KLF13: variants seen among roughly 807,000 people sequenced by gnomAD.
KLF13 encodes Krueppel-like factor 13.
KLF13 carries 8 observed loss-of-function variants against 16.7 expected under a neutral mutation model. The ratio of observed to expected loss-of-function variants is 0.48; its 90% confidence interval spans 0.28 to 0.87. The LOEUF is 0.87. Ranked by LOEUF, KLF13 falls within the 40% of genes least tolerant of loss-of-function variation. KLF13 has a pLI of 0.10. For missense variants in KLF13, 447 were observed against 452.2 expected (o/e 0.99, Z 0.10); for synonymous variants, 245 against 208.4 (o/e 1.18, Z -1.51).
At chr15:31,411,220 T>C (rs1212837546) in intron 1 of KLF13, among the ~76,000 whole-genome samples, 1 of 152,146 alleles carries the variant, frequency 6.6e-6, no homozygotes, top group Non-Finnish European at 1.5e-5. Flanking sequence ...GCAACAATCA[T>C]CAATATAAAT....
At chr15:31,433,015 G>T (rs1228436683) in intron 1 of KLF13, among the ~76,000 whole-genome samples, 2 of 152,198 alleles carry the variant, frequency 1.3e-5, no homozygotes, top group Non-Finnish European at 2.9e-5. Flanking sequence ...CTGCACTCCA[G>T]CCTGGGCGAC....
downstream of KLF13, among the ~76,000 whole-genome samples, chr15:31,405,472 C>T (rs914446366): frequency 6.6e-6 from 1 of 152,262 alleles, no homozygotes; most frequent in Non-Finnish European, 1.5e-5. Context: ...TTTCCAGTTT[C>T]TGGAACTGTG....
At chr15:31,412,896 A>G (rs1243409339) in intron 1 of KLF13, among the ~76,000 whole-genome samples, 2 of 152,234 alleles carry the variant, frequency 1.3e-5, no homozygotes, top group Non-Finnish European at 2.9e-5. Flanking sequence ...ACCAGGCTGG[A>G]TAGTTTTCAG....
intron 1 of KLF13, among the ~76,000 whole-genome samples, chr15:31,386,290 G>A (rs140165366): frequency 0.011 from 1,750 of 152,340 alleles, 32 homozygotes; most frequent in African/African-American, 0.04. Context: ...CTGAGGTCAG[G>A]AGTTTGAGAC....
downstream of KLF13, among the ~76,000 whole-genome samples, chr15:31,409,184 C>G (rs1009845110): frequency 1.3e-5 from 2 of 151,954 alleles, no homozygotes; most frequent in African/African-American, 4.8e-5. Context: ...ACTCGGGAGG[C>G]TGAGGTGGGA....
At chr15:31,386,556 T>C (rs1307189236) in intron 1 of KLF13, among the ~76,000 whole-genome samples, 1 of 152,174 alleles carries the variant, frequency 6.6e-6, no homozygotes, top group Non-Finnish European at 1.5e-5. Flanking sequence ...AAGTGCAAGA[T>C]GAAGCAGCAA....
intron 2 of KLF13, among the ~76,000 whole-genome samples, chr15:31,396,589 G>T (rs576639431): frequency 1.3e-5 from 2 of 152,332 alleles, no homozygotes; most frequent in South Asian, 2.1e-4. Context: ...GGGGCCACAA[G>T]ATCAGATGAG....
chr15:31,408,347 T>G (rs551169312), downstream of KLF13, among the ~76,000 whole-genome samples: 9 of 152,146 alleles, frequency 5.9e-5, no homozygotes, highest in Non-Finnish European at 1.3e-4. Context: ...GTGGTATAGG[T>G]CACTTCTCCC....
chr15:31,336,400 C>G (rs997030719), intron 1 of KLF13, among the ~76,000 whole-genome samples: 2 of 152,102 alleles, frequency 1.3e-5, no homozygotes, highest in African/African-American at 4.8e-5. Context: ...GGGAGGTGGT[C>G]AGGTGCTCCC....
chr15:31,405,663 C>G (rs1379061345), downstream of KLF13, among the ~76,000 whole-genome samples: 1 of 152,202 alleles, frequency 6.6e-6, no homozygotes, highest in Non-Finnish European at 1.5e-5. Flanking sequence ...TGGGTACCCT[C>G]TGGTGAGGGC....
chr15:31,328,823 T>G (rs984535888), intron 1 of KLF13, among the ~76,000 whole-genome samples: 4 of 152,200 alleles, frequency 2.6e-5, no homozygotes, highest in Non-Finnish European at 4.4e-5. Context: ...TGTAAAGAAT[T>G]GTATGCTTCC....
chr15:31,358,529 G>A (rs527741399), intron 1 of KLF13, among the ~76,000 whole-genome samples: 2 of 152,266 alleles, frequency 1.3e-5, no homozygotes, highest in Non-Finnish European at 2.9e-5. Flanking sequence ...TCACACAGTT[G>A]TTTACCATCT....
intron 1 of KLF13, chr15:31,435,290 G>GC (rs1258560568): frequency 6.6e-6 from 1 of 152,162 alleles, no homozygotes; most frequent in Non-Finnish European, 1.5e-5. Flanking sequence ...GAAGGGTCTC[G>GC]CTAGGGTCAT....
intron 1 of KLF13, among the ~76,000 whole-genome samples, chr15:31,331,172 G>A (rs2038825026): frequency 6.6e-6 from 1 of 152,176 alleles, no homozygotes; most frequent in African/African-American, 2.4e-5. Flanking sequence ...TCCCTCCAGC[G>A]CTGGAGTCAA....
At chr15:31,411,136 G>T (rs1245781074) in intron 1 of KLF13, among the ~76,000 whole-genome samples, 1 of 152,138 alleles carries the variant, frequency 6.6e-6, no homozygotes, top group Non-Finnish European at 1.5e-5. Context: ...CCAGAAAATA[G>T]AACTCATCTT....
upstream of KLF13, among the ~76,000 whole-genome samples, chr15:31,392,417 G>C (rs903931865): frequency 1.3e-5 from 2 of 152,146 alleles, no homozygotes; most frequent in African/African-American, 2.4e-5. Context: ...GCTGAGCCTC[G>C]AGCCGCCCAG....
At chr15:31,356,198 GACCTGGTGT>G (rs2140952428) in intron 1 of KLF13, among the ~76,000 whole-genome samples, 1 of 152,260 alleles carries the variant, frequency 6.6e-6, no homozygotes, top group African/African-American at 2.4e-5. Context: ...GCTCAAGTAG[GACCTGGTGT>G]CTGCTGTTCC....
chr15:31,357,849 A>C (rs1057219935), intron 1 of KLF13, among the ~76,000 whole-genome samples: 1 of 151,758 alleles, frequency 6.6e-6, no homozygotes, highest in East Asian at 1.9e-4. Flanking sequence ...CTTTGTGGGG[A>C]AACGTGGATT....
intron 1 of KLF13, among the ~76,000 whole-genome samples, chr15:31,328,487 G>A (rs1037003758): frequency 6.6e-5 from 10 of 151,940 alleles, no homozygotes; most frequent in Non-Finnish European, 1.2e-4. Flanking sequence ...GCGGGGGCGC[G>A]CCCGGCCCTA....
Sources: allele counts gnomAD v4.1 joint callset (sites outside exome capture counted in the v4.1 genomes callset), GRCh38; gene constraint gnomAD v4.1.1; transcripts MANE v1.5; gene names NCBI Gene and HGNC (gene_info 2026-07-23, HGNC 2026-07-21).